Variants in CAMTA1 observed in about 807,000 individuals in gnomAD.
CAMTA1 encodes the protein calmodulin-binding transcription activator 1.
A neutral mutation model predicts 170.9 loss-of-function variants in CAMTA1; 27 were observed. That is an observed-to-expected ratio of 0.16 (90% confidence interval 0.12 to 0.22). The LOEUF (loss-of-function observed/expected upper bound fraction) is 0.22, where lower values mean the gene tolerates loss of function less well. CAMTA1 is among the 10% of genes least tolerant of loss of function. CAMTA1 has a pLI of 1.00. For synonymous variants in CAMTA1, 833 were observed against 891.5 expected (o/e 0.93, Z 1.17); for missense variants, 1,619 against 2,217.2 (o/e 0.73, Z 5.42).
intron 6 of CAMTA1, among the ~76,000 whole-genome samples, chr1:7,509,441 G>C (rs1168854247): frequency 1.3e-5 from 2 of 152,174 alleles, no homozygotes; most frequent in African/African-American, 4.8e-5. Context: ...TTTCTAAACT[G>C]TCGGACCCAG....
chr1:6,889,013 T>C (rs945951769), intron 3 of CAMTA1, among the ~76,000 whole-genome samples: 2 of 152,234 alleles, frequency 1.3e-5, no homozygotes, highest in African/African-American at 2.4e-5. Flanking sequence ...TTCAGTTATT[T>C]ATTACACACT....
At chr1:6,950,715 C>CT (rs1011264264) in intron 3 of CAMTA1, among the ~76,000 whole-genome samples, 4 of 146,498 alleles carry the variant, frequency 2.7e-5, no homozygotes, top group African/African-American at 1.1e-4. Context: ...TGCACCCCCA[C>CT]CCCCCAGCCC....
intron 6 of CAMTA1, among the ~76,000 whole-genome samples, chr1:7,548,517 G>C (rs551164496): frequency 3.6e-4 from 39 of 109,696 alleles, no homozygotes; most frequent in African/African-American, 1.1e-3. Flanking sequence ...GGTGCTGGTG[G>C]AGGGTGCCCC....
At chr1:7,258,874 G>A (rs1054686463) in intron 5 of CAMTA1, among the ~76,000 whole-genome samples, 1 of 152,254 alleles carries the variant, frequency 6.6e-6, no homozygotes, top group Middle Eastern at 3.4e-3. Context: ...ACTTTAGTTG[G>A]CGTGGATTAG....
intron 5 of CAMTA1, among the ~76,000 whole-genome samples, chr1:7,332,826 T>TAC (rs139361283): frequency 0.013 from 2,014 of 150,746 alleles, 45 homozygotes; most frequent in African/African-American, 0.045. Context: ...CACCCGCAGA[T>TAC]ACACACACAC....
At chr1:6,833,313 CAATA>C (rs1295242137) in intron 3 of CAMTA1, among the ~76,000 whole-genome samples, 1 of 152,052 alleles carries the variant, frequency 6.6e-6, no homozygotes, top group Non-Finnish European at 1.5e-5. Flanking sequence ...AGTCAGTGTT[CAATA>C]AATATTTGTT....
intron 4 of CAMTA1, among the ~76,000 whole-genome samples, chr1:7,245,191 A>G (rs12059042): frequency 0.039 from 3,887 of 100,234 alleles, 57 homozygotes; most frequent in Middle Eastern, 0.059. Flanking sequence ...ATATATATAT[A>G]TGTGTGTGTG....
At chr1:7,441,876 G>A (rs1353049114) in intron 5 of CAMTA1, among the ~76,000 whole-genome samples, 5 of 152,198 alleles carry the variant, frequency 3.3e-5, no homozygotes, top group Admixed American at 1.3e-4. Context: ...TTAGACCAAC[G>A]TGGGTTCTGC....
At chr1:7,108,250 C>T (rs972984874) in intron 4 of CAMTA1, among the ~76,000 whole-genome samples, 8 of 152,148 alleles carry the variant, frequency 5.3e-5, no homozygotes, top group Admixed American at 4.6e-4. Context: ...CATTTAGTAG[C>T]AGAAAATTAC....
chr1:7,744,976 A>C lies in CAMTA1; in HGVS notation c.4324A>C (p.Ser1442Arg). 1 of 1,614,158 alleles carries C rather than the reference A, an allele frequency of 6.2e-7. No homozygotes were observed. Among genetic ancestry groups the C allele is most frequent in the Non-Finnish European group, 8.5e-7 (1 of 1,180,020 alleles). The change falls in exon 17 of 23, where the codon AGT becomes CGT. Residue 1442 changes from serine (S) to arginine (R), a missense_variant. Ser to Arg is a moderately radical substitution (Grantham distance 110). Coordinates refer to ENST00000303635, the MANE Select transcript of CAMTA1 (RefSeq NM_015215.4). ...TISSTMSWLA[S>R]YLADADCLPS... Reference sequence around the variant, plus strand: ...TAGCAGTACAATGAGCTGGCTGGCCAGTTATCTAGCGGATGCTGACTGCCT... The same window carrying C: ...TAGCAGTACAATGAGCTGGCTGGCCCGTTATCTAGCGGATGCTGACTGCCT...
At chr1:7,166,265 A>C (rs1040186624) in intron 4 of CAMTA1, among the ~76,000 whole-genome samples, 8 of 151,948 alleles carry the variant, frequency 5.3e-5, no homozygotes, top group Non-Finnish European at 1.2e-4. Context: ...ACAGGGTTTC[A>C]CCATGTTAGC....
At chr1:7,211,884 T>G (rs1658834610) in intron 4 of CAMTA1, among the ~76,000 whole-genome samples, 1 of 152,250 alleles carries the variant, frequency 6.6e-6, no homozygotes, top group Non-Finnish European at 1.5e-5. Context: ...CATGGATGTG[T>G]GTAAAACCAT....
chr1:7,766,584 C>G lies in CAMTA1; in HGVS notation c.*93C>G. On this transcript the variant is annotated 3_prime_UTR_variant, in exon 23 of 23. Transcript: ENST00000303635. ...CAGAGACATGCAACAACAACACACA[C>G]GCACACACGCACACACACACACGTA... is the stretch of plus-strand genomic sequence containing the variant. 1.0e-6 allele frequency: 1 copy of G among 981,742 alleles called. No individual in the cohort carries two copies. The allele number at this position is 981,742 out of a possible 1,614,324, so 60.8% of individuals were successfully genotyped here.
intron 3 of CAMTA1, among the ~76,000 whole-genome samples, chr1:6,956,827 C>T (rs1689538178): frequency 6.6e-6 from 1 of 152,216 alleles, no homozygotes; most frequent in Non-Finnish European, 1.5e-5. Context: ...AAGCTGACAC[C>T]AGGGATGCTT....
intron 1 of CAMTA1, among the ~76,000 whole-genome samples, chr1:6,798,036 C>G (rs1365572359): frequency 6.7e-6 from 1 of 149,668 alleles, no homozygotes; most frequent in Non-Finnish European, 1.5e-5. Context: ...TGCTCTTGTC[C>G]CCCAGGCTGC....
At chr1:7,481,491 C>T (rs2093533570) in intron 6 of CAMTA1, among the ~76,000 whole-genome samples, 1 of 152,220 alleles carries the variant, frequency 6.6e-6, no homozygotes, top group Admixed American at 6.5e-5. Context: ...TTCAACTCCA[C>T]ATCAAAGCCC....
intron 3 of CAMTA1, among the ~76,000 whole-genome samples, chr1:6,943,780 G>A (rs1687101140): frequency 6.7e-6 from 1 of 148,860 alleles, no homozygotes; most frequent in African/African-American, 2.5e-5. Context: ...CTGGGAGGCG[G>A]AGGTTGCAGT....
At chr1:7,553,685 G>A (rs957856) in intron 6 of CAMTA1, among the ~76,000 whole-genome samples, 94,999 of 152,082 alleles carry the variant, frequency 0.62, 30,175 homozygotes, top group South Asian at 0.73. Context: ...GGAAAGGAAA[G>A]GGCAGCTTCC....
intron 3 of CAMTA1, among the ~76,000 whole-genome samples, chr1:6,847,599 T>C (rs1658725937): frequency 6.6e-6 from 1 of 150,786 alleles, no homozygotes; most frequent in African/African-American, 2.4e-5. Flanking sequence ...AGTGCAGTGG[T>C]GTGATTTCGG....
Sources: allele counts gnomAD v4.1 joint callset (sites outside exome capture counted in the v4.1 genomes callset), GRCh38; gene constraint gnomAD v4.1.1; transcripts MANE v1.5; gene names NCBI Gene and HGNC (gene_info 2026-07-23, HGNC 2026-07-21).